TACR3: variants seen among roughly 807,000 people sequenced by gnomAD.
The protein encoded by TACR3 is tachykinin receptor 3.
In TACR3, 34 loss-of-function variants were observed where a neutral mutation model predicts 35.0. That is an observed-to-expected ratio of 0.97 (90% CI 0.74 to 1.30). The LOEUF is 1.30. TACR3 is among the 50% of genes most tolerant of loss of function. The pLI, the probability that TACR3 is intolerant of heterozygous loss-of-function variation, is 0.00. For synonymous variants in TACR3, 233 were observed against 221.1 expected (o/e 1.05, Z -0.48); for missense variants, 558 against 591.7 (o/e 0.94, Z 0.59).
chr4:103,644,652 AT>A (rs1329628497), intron 3 of TACR3, among the ~76,000 whole-genome samples: 2 of 151,652 alleles, frequency 1.3e-5, no homozygotes, highest in African/African-American at 2.4e-5. Flanking sequence ...AAATTTAAAA[AT>A]TTTTTTCTAG....
At position 103,586,421 on chromosome 4, in the gene TACR3, G is replaced by T. The variant is rs1224030498; in HGVS notation, c.*3261C>A. On this transcript the variant is annotated 3_prime_UTR_variant, in exon 5 of 5. Coordinates refer to ENST00000304883, the MANE Select transcript of TACR3 (RefSeq NM_001059.3). The stretch of plus-strand genomic sequence containing the variant: ...ACTGTTAGAAGTGTGAGAAATGTTT[G>T]TAAGTCTCCTGCTTTTCTATTTGAT... The T allele has an allele frequency of 6.6e-6, 1 of 152,004 alleles. No homozygotes were observed. The highest frequency in any genetic ancestry group is 2.4e-5 in the African/African-American group (1 of 41,410). 9.4% of individuals were successfully genotyped at this position (152,004 alleles called of 1,614,324 possible). A position where few individuals can be genotyped will look rare whatever the true frequency, so the allele number is the denominator to read the frequency against.
At chr4:103,690,969 A>T (rs755222823) in intron 1 of TACR3, among the ~76,000 whole-genome samples, 1 of 152,200 alleles carries the variant, frequency 6.6e-6, no homozygotes, top group Non-Finnish European at 1.5e-5. Context: ...TAAATTTGAA[A>T]ATTTGACAGT....
intron 3 of TACR3, among the ~76,000 whole-genome samples, chr4:103,621,332 G>A (rs1724775776): frequency 6.6e-6 from 1 of 152,186 alleles, no homozygotes; most frequent in African/African-American, 2.4e-5. Flanking sequence ...TGCTGATGAA[G>A]AAGCTGGGAG....
intron 3 of TACR3, among the ~76,000 whole-genome samples, chr4:103,612,082 A>G (rs1724525598): frequency 6.6e-6 from 1 of 152,124 alleles, no homozygotes; most frequent in Non-Finnish European, 1.5e-5. Flanking sequence ...TACTTAAAAT[A>G]ATTTTCTTAT....
At chr4:103,606,351 A>G (rs1015341150) in intron 3 of TACR3, among the ~76,000 whole-genome samples, 6 of 152,120 alleles carry the variant, frequency 3.9e-5, no homozygotes, top group African/African-American at 1.2e-4. Flanking sequence ...GTTTTTTCCA[A>G]TTCTGTGAAG....
At chr4:103,658,961 T>C (rs1442465574) in intron 1 of TACR3, among the ~76,000 whole-genome samples, 1 of 152,188 alleles carries the variant, frequency 6.6e-6, no homozygotes, top group Non-Finnish European at 1.5e-5. Context: ...CATCTGGGGT[T>C]GATGGGAGAC....
At chr4:103,697,758 C>CA (rs1722556404) in intron 1 of TACR3, among the ~76,000 whole-genome samples, 3 of 152,136 alleles carry the variant, frequency 2.0e-5, no homozygotes, top group Admixed American at 2.0e-4. Context: ...ATTGGTAACT[C>CA]AAATTTGTGT....
At chr4:103,622,590 G>A (rs942718987) in intron 3 of TACR3, among the ~76,000 whole-genome samples, 6 of 152,250 alleles carry the variant, frequency 3.9e-5, no homozygotes, top group East Asian at 1.9e-4. Flanking sequence ...TTAGCCAGGC[G>A]TGGCAGCGTG....
chr4:103,647,030 T>C (rs1725476716), intron 3 of TACR3, among the ~76,000 whole-genome samples: 1 of 151,954 alleles, frequency 6.6e-6, no homozygotes, highest in Non-Finnish European at 1.5e-5. Context: ...TCTTCGATTT[T>C]AGTACAGAAT....
intron 3 of TACR3, among the ~76,000 whole-genome samples, chr4:103,639,409 GGAAGGGGAACATC>G (rs1480851936): frequency 2.6e-5 from 4 of 152,002 alleles, no homozygotes; most frequent in African/African-American, 9.7e-5. Context: ...CATGGACACA[GGAAGGGGAACATC>G]ACACACCAGG....
intron 1 of TACR3, among the ~76,000 whole-genome samples, chr4:103,698,670 C>T (rs1212660362): frequency 1.3e-5 from 2 of 151,618 alleles, no homozygotes; most frequent in East Asian, 1.9e-4. Context: ...TAAGTGAGAA[C>T]TAAAAATTTT....
intron 3 of TACR3, among the ~76,000 whole-genome samples, chr4:103,654,208 A>G (rs1264969483): frequency 2.0e-5 from 3 of 151,802 alleles, no homozygotes; most frequent in Admixed American, 6.6e-5. Flanking sequence ...TATATACCCA[A>G]AGGATTATAA....
chr4:103,677,929 A>G (rs1259086011), intron 1 of TACR3, among the ~76,000 whole-genome samples: 2 of 146,700 alleles, frequency 1.4e-5, no homozygotes, highest in Non-Finnish European at 3.0e-5. Context: ...GTGGCATAGA[A>G]AGAAAAAAAA....
intron 1 of TACR3, among the ~76,000 whole-genome samples, chr4:103,711,277 C>A (rs1240675925): frequency 6.6e-6 from 1 of 152,162 alleles, no homozygotes; most frequent in South Asian, 2.1e-4. Context: ...AGCAGCACAT[C>A]AAAAAGCTTA....
chr4:103,703,961 G>A (rs1474924010), intron 1 of TACR3, among the ~76,000 whole-genome samples: 1 of 151,808 alleles, frequency 6.6e-6, no homozygotes, highest in Non-Finnish European at 1.5e-5. Context: ...AAATTTAGCA[G>A]GGCGTGGTAG....
chr4:103,610,059 A>G (rs1238354247), intron 3 of TACR3, among the ~76,000 whole-genome samples: 1 of 152,112 alleles, frequency 6.6e-6, no homozygotes, highest in African/African-American at 2.4e-5. Flanking sequence ...GGCTATTGTG[A>G]TTAGTGCTGC....
chr4:103,635,938 C>G (rs1023165267), intron 3 of TACR3, among the ~76,000 whole-genome samples: 10 of 151,892 alleles, frequency 6.6e-5, no homozygotes, highest in African/African-American at 2.4e-4. Flanking sequence ...TATCATCACT[C>G]TCCTTTCTAA....
intron 1 of TACR3, among the ~76,000 whole-genome samples, chr4:103,700,602 CT>C (rs1389346917): frequency 1.3e-5 from 2 of 152,142 alleles, no homozygotes; most frequent in Non-Finnish European, 2.9e-5. Flanking sequence ...AATTATTTTA[CT>C]GCTTACAACA....
At chr4:103,665,711 A>G (rs923228401) in intron 1 of TACR3, among the ~76,000 whole-genome samples, 2 of 152,158 alleles carry the variant, frequency 1.3e-5, no homozygotes, top group African/African-American at 4.8e-5. Context: ...TGCCTCCAGG[A>G]TATTTGGTTA....
Sources: gnomAD v4.1 joint callset for allele counts (sites outside exome capture counted in the v4.1 genomes callset) on GRCh38, gnomAD v4.1.1 for gene constraint, MANE v1.5 for transcripts, NCBI Gene and HGNC (gene_info 2026-07-23, HGNC 2026-07-21) for gene names.